The following PPP1R1C variants were observed in gnomAD, a reference collection of about 807,000 sequenced individuals.
PPP1R1C encodes protein phosphatase 1 regulatory subunit 1C.
A neutral mutation model predicts 17.4 loss-of-function variants in PPP1R1C; 15 were observed. The observed-to-expected ratio is 0.86, with a 90% CI of 0.58 to 1.33. The LOEUF is 1.33. Ranked by LOEUF, PPP1R1C falls within the 40% of genes most tolerant of loss-of-function variation. The probability of loss-of-function intolerance (pLI) is 0.00; values close to 1 mark genes in which losing one functional copy is unlikely to be tolerated. For synonymous variants in PPP1R1C, 35 were observed against 43.1 expected (o/e 0.81, Z 0.73); for missense variants, 143 against 130.0 (o/e 1.10, Z -0.48).
downstream of PPP1R1C, among the ~76,000 whole-genome samples, chr2:182,122,307 C>A (rs998617): frequency 2.0e-5 from 3 of 151,854 alleles, no homozygotes; most frequent in Non-Finnish European, 4.4e-5. Flanking sequence ...TGGAGAACAA[C>A]ATAATTTTAG....
Position 182,001,367 on chromosome 2 carries a change from A to T in PPP1R1C, c.142+13468A>T, listed in dbSNP as rs373485920. On this transcript the variant is annotated intron_variant, in intron 2 of 4. Coordinates refer to ENST00000682840, the MANE Select transcript of PPP1R1C (RefSeq NM_001080545.3). ...CTGAGCGTGTTTTGTTTAATGACCAATTTTATTCTTTTGCTGTCTTTAAAT... is the reference window on the plus strand; with the variant it reads ...CTGAGCGTGTTTTGTTTAATGACCATTTTTATTCTTTTGCTGTCTTTAAAT... Among the ~76,000 whole-genome samples, 108 of 150,686 alleles carry T rather than the reference A, an allele frequency of 7.2e-4. 1 individual carries two copies. Among genetic ancestry groups the T allele is most frequent in the African/African-American group, 2.6e-3 (104 of 40,054 alleles).
intron 2 of PPP1R1C, among the ~76,000 whole-genome samples, chr2:182,005,582 T>A (rs546758595): frequency 6.6e-6 from 1 of 152,336 alleles, no homozygotes; most frequent in African/African-American, 2.4e-5. Context: ...GAGTTAGAAG[T>A]AGCAAATTGT....
At chr2:182,086,437 G>A (rs1688632367) in intron 4 of PPP1R1C, among the ~76,000 whole-genome samples, 1 of 152,098 alleles carries the variant, frequency 6.6e-6, no homozygotes, top group Admixed American at 6.5e-5. Context: ...CATTGTTACA[G>A]AAATGGAAAT....
intron 2 of PPP1R1C, among the ~76,000 whole-genome samples, chr2:182,007,793 T>TAATTACA (rs572220863): frequency 8.3e-4 from 127 of 152,344 alleles, no homozygotes; most frequent in African/African-American, 3.0e-3. Flanking sequence ...CTAGGCGCGG[T>TAATTACA]GGCTCACGCC....
At chr2:182,125,312 T>G (rs1041019600) in intron 5 of PPP1R1C, among the ~76,000 whole-genome samples, 1 of 152,216 alleles carries the variant, frequency 6.6e-6, no homozygotes, top group Non-Finnish European at 1.5e-5. Flanking sequence ...AGTATTTTAT[T>G]GAGGGTTTTC....
chr2:181,973,346 A>C (rs1260254837), intron 1 of PPP1R1C, among the ~76,000 whole-genome samples: 1 of 152,212 alleles, frequency 6.6e-6, no homozygotes, highest in East Asian at 1.9e-4. Context: ...AAACATAGGC[A>C]AGCACTCAAG....
intron 2 of PPP1R1C, among the ~76,000 whole-genome samples, chr2:182,030,181 A>G (rs1574392997): frequency 2.0e-5 from 3 of 151,584 alleles, no homozygotes; most frequent in Admixed American, 2.0e-4. Flanking sequence ...GCTCAGGGTA[A>G]TTTGATCGTC....
At chr2:182,086,156 C>A (rs1688622540) in intron 4 of PPP1R1C, among the ~76,000 whole-genome samples, 1 of 151,750 alleles carries the variant, frequency 6.6e-6, no homozygotes. Context: ...AGATAAATGA[C>A]AGACTAGAAA....
chr2:182,058,214 A>G (rs914117231), intron 2 of PPP1R1C, among the ~76,000 whole-genome samples: 2 of 152,136 alleles, frequency 1.3e-5, no homozygotes, highest in African/African-American at 2.4e-5. Context: ...TGGCTATGAC[A>G]GTCTCTCAGA....
chr2:182,006,994 T>A (rs545241761), intron 2 of PPP1R1C, among the ~76,000 whole-genome samples: 95 of 152,344 alleles, frequency 6.2e-4, no homozygotes, highest in African/African-American at 2.2e-3. Context: ...TAAAAATTGC[T>A]TATTGGTTTT....
At chr2:181,958,291 G>C (rs1684703633) in intron 1 of PPP1R1C, among the ~76,000 whole-genome samples, 2 of 152,174 alleles carry the variant, frequency 1.3e-5, no homozygotes, top group South Asian at 4.1e-4. Flanking sequence ...TTGAGGAAAG[G>C]GAGTCATTTT....
At chr2:182,083,351 A>G (rs1333117833) in intron 4 of PPP1R1C, among the ~76,000 whole-genome samples, 3 of 152,168 alleles carry the variant, frequency 2.0e-5, no homozygotes, top group Non-Finnish European at 4.4e-5. Flanking sequence ...CTGCCATCAT[A>G]CAAGTGCTGT....
intron 4 of PPP1R1C, among the ~76,000 whole-genome samples, chr2:182,093,741 A>G (rs1688853070): frequency 2.0e-5 from 3 of 152,202 alleles, no homozygotes; most frequent in Admixed American, 1.3e-4. Context: ...AAACATAATA[A>G]GAGTCACCTT....
At chr2:182,098,427 A>G (rs1220842152) in intron 4 of PPP1R1C, among the ~76,000 whole-genome samples, 3 of 152,190 alleles carry the variant, frequency 2.0e-5, no homozygotes, top group Admixed American at 1.3e-4. Context: ...AAAAGGCACA[A>G]GCTATTCTGT....
upstream of PPP1R1C, among the ~76,000 whole-genome samples, chr2:181,982,085 G>T (rs80217534): frequency 0.035 from 5,365 of 152,200 alleles, 227 homozygotes; most frequent in Admixed American, 0.14. Flanking sequence ...GCCTGGAATA[G>T]AAAATACATT....
At chr2:181,982,145 C>G (rs937617227), upstream of PPP1R1C, among the ~76,000 whole-genome samples, 1 of 152,142 alleles carries the variant, frequency 6.6e-6, no homozygotes, top group Non-Finnish European at 1.5e-5. Context: ...CCTCTCTTCC[C>G]CTTTCTTTCC....
chr2:182,031,973 T>C (rs141554228), intron 2 of PPP1R1C, among the ~76,000 whole-genome samples: 82 of 152,316 alleles, frequency 5.4e-4, no homozygotes, highest in African/African-American at 1.8e-3. Context: ...TGGAGAGAGT[T>C]AGAAATTTTG....
chr2:182,010,253 A>T (rs1339593527), intron 2 of PPP1R1C, among the ~76,000 whole-genome samples: 1 of 152,048 alleles, frequency 6.6e-6, no homozygotes, highest in Admixed American at 6.6e-5. Context: ...CCAATTCATG[A>T]ACATGAAATA....
At chr2:182,111,892 C>A (rs1559097641) in intron 4 of PPP1R1C, among the ~76,000 whole-genome samples, 1 of 152,020 alleles carries the variant, frequency 6.6e-6, no homozygotes, top group African/African-American at 2.4e-5. Flanking sequence ...TTCAGAAAAT[C>A]AATGCCTGTT....
Sources: allele counts gnomAD v4.1 joint callset (sites outside exome capture counted in the v4.1 genomes callset), GRCh38; gene constraint gnomAD v4.1.1; transcripts MANE v1.5; gene names NCBI Gene and HGNC (gene_info 2026-07-23, HGNC 2026-07-21).